SETX: variants seen among roughly 807,000 people sequenced by gnomAD.
The protein encoded by SETX is senataxin.
In SETX, 90 loss-of-function variants were observed where a neutral mutation model predicts 227.2. That is an observed-to-expected ratio of 0.40 (90% CI 0.33 to 0.47). SETX has a LOEUF of 0.47. SETX is among the 20% of genes least tolerant of loss of function. The pLI is 0.91. For synonymous variants in SETX, 1,210 were observed against 1,113.2 expected (o/e 1.09, Z -1.73); for missense variants, 3,052 against 3,181.5 (o/e 0.96, Z 0.98).
chr9:132,354,614 A>G (rs1396495303), intron 1 of SETX, among the ~76,000 whole-genome samples: 1 of 151,924 alleles, frequency 6.6e-6, no homozygotes, highest in Non-Finnish European at 1.5e-5. Context: ...CTCAGCCCCA[A>G]GGAAACTACG....
In SETX at chr9:132,298,288, T is replaced by G. The variant is rs747493129; in HGVS notation, c.5573A>C (p.Tyr1858Ser). Residue 1858 changes from tyrosine (Y) to serine (S), a missense_variant, in exon 13 of 26, where the codon TAC (tyrosine) becomes TCC (serine). Physicochemically the swap from Tyr to Ser is moderately radical, Grantham distance 144. Transcript: ENST00000224140. ...SVMRNGKTEC[Y>S]LSIQTQENFP... ...GTTCTCTTGAGTCTGGATGGAAAGG[T>G]AACACTCAGTTTTCCCATTACGCAC... The G allele has an allele frequency of 1.2e-6, 2 of 1,614,116 alleles. No individual in the cohort carries two copies. Among genetic ancestry groups the G allele is most frequent in the East Asian group, 4.5e-5 (2 of 44,878 alleles).
At chr9:132,269,463 T>C (rs774944941) in intron 25 of SETX, 152 bp downstream of exon 25, 1 of 1,592,230 alleles carries the variant, frequency 6.3e-7, no homozygotes, top group Non-Finnish European at 8.6e-7. Flanking sequence ...GGTTCACGTG[T>C]ACACAAAAGC....
At position 132,264,841 on chromosome 9, in the gene SETX, T is replaced by C. The variant is rs142303658; in HGVS notation, c.7432A>G (p.Thr2478Ala). ...GGTCTGGACCCCTCTGGGGCTATGG[T>C]AGGAGGGTGAGTGAGACTTCTCTGC... ...VLQRSLTHPP[T>A]IAPEGSRPQG... The change falls in exon 26 of 26, where the codon ACC (threonine) becomes GCC (alanine). Residue 2478 changes from threonine (T) to alanine (A), a missense_variant. Coordinates refer to ENST00000224140, the MANE Select transcript of SETX (RefSeq NM_015046.7). The C allele has an allele frequency of 1.9e-4, 312 of 1,614,110 alleles. 1 individual carries two copies. The highest frequency in any genetic ancestry group is 6.7e-4 in the African/African-American group (50 of 75,018).
At chr9:132,320,291 C>T (rs913390617) in intron 10 of SETX, among the ~76,000 whole-genome samples, 1 of 152,034 alleles carries the variant, frequency 6.6e-6, no homozygotes, top group Non-Finnish European at 1.5e-5. Flanking sequence ...AAAAAAAAGT[C>T]TAGGCCGGGC....
At chr9:132,333,179 G>C (rs1362323621) in intron 7 of SETX, among the ~76,000 whole-genome samples, 1 of 151,038 alleles carries the variant, frequency 6.6e-6, no homozygotes, top group Non-Finnish European at 1.5e-5. Flanking sequence ...AGGAGTTCAA[G>C]ACCAGCCTGG....
At position 132,327,255 on chromosome 9, in the gene SETX, T is replaced by C; in HGVS notation, c.4343A>G (p.Asn1448Ser). Residue 1448 changes from asparagine to serine, a missense_variant, in exon 10 of 26, where the codon AAT (asparagine) becomes AGT (serine). By Grantham distance (46) the Asn-to-Ser change is conservative (BLOSUM62 1). Coordinates refer to ENST00000224140, the MANE Select transcript of SETX (RefSeq NM_015046.7). The stretch of plus-strand genomic sequence containing the variant: ...TACTTCATTTGTTGGTACTGTTCCA[T>C]TTAACACTACAGAATCACACTGGTT... ...PLNQCDSVVL[N>S]GTVPTNEVIV... 1 of 1,614,230 alleles carries C rather than the reference T, an allele frequency of 6.2e-7. No homozygotes were observed. The highest frequency in any genetic ancestry group is 8.5e-7 in the Non-Finnish European group (1 of 1,180,036).
At chr9:132,281,643 T>C (rs1843520338) in intron 19 of SETX, 69 bp from the exon 20 acceptor site, 7 of 1,110,264 alleles carry the variant, frequency 6.3e-6, no homozygotes, top group Admixed American at 1.7e-5. Context: ...GTTTATCTGA[T>C]TAAAGTTCTA....
chr9:132,286,321 A>T, intron 18 of SETX, 102 bp downstream of exon 18: 4 of 883,920 alleles, frequency 4.5e-6, no homozygotes, highest in Non-Finnish European at 7.1e-6. Context: ...CTCTGTCTCC[A>T]AAATAAATAA....
At position 132,333,442 on chromosome 9, in the gene SETX, C is replaced by T. The variant is rs961088822; in HGVS notation, c.838+1166G>A. On this transcript the variant is annotated intron_variant, in intron 7 of 25. Coordinates refer to ENST00000224140, the MANE Select transcript of SETX (RefSeq NM_015046.7). ...ACACACACACACACACACACACACA[C>T]ACACACACACACACACGCCCTATCA... Among the ~76,000 whole-genome samples, 4 of 141,200 alleles carry T rather than the reference C, an allele frequency of 2.8e-5. 1 individual carries two copies. The highest frequency in any genetic ancestry group is 1.1e-4 in the African/African-American group (4 of 37,650). 92.6% of individuals were successfully genotyped at this position (141,200 alleles called of 152,430 possible).
chr9:132,279,797 A>G (rs574278725), intron 20 of SETX, among the ~76,000 whole-genome samples: 2 of 152,356 alleles, frequency 1.3e-5, no homozygotes, highest in African/African-American at 4.8e-5. Context: ...ACCTTAGTCC[A>G]TTCTACAAAT....
At chr9:132,336,901 T>C (rs1175751668) in intron 5 of SETX, among the ~76,000 whole-genome samples, 1 of 151,974 alleles carries the variant, frequency 6.6e-6, no homozygotes, top group African/African-American at 2.4e-5. Context: ...TTGTCTCTAC[T>C]AAAAATACAA....
chr9:132,355,142 C>A (rs1305361125), upstream of SETX, among the ~76,000 whole-genome samples: 7 of 152,242 alleles, frequency 4.6e-5, no homozygotes, highest in East Asian at 1.4e-3. Context: ...CGCGGTGCAC[C>A]GCCCACGCCG....
intron 20 of SETX, among the ~76,000 whole-genome samples, chr9:132,278,888 C>T (rs2131186818): frequency 6.6e-6 from 1 of 152,262 alleles, no homozygotes. Context: ...TACTAAGCAT[C>T]TATAATTTGA....
chr9:132,314,906 G>GTTTTTTTT (rs559979271), intron 10 of SETX, among the ~76,000 whole-genome samples: 7 of 88,476 alleles, frequency 7.9e-5, no homozygotes, highest in African/African-American at 9.1e-5. Flanking sequence ...ATTTTATTGT[G>GTTTTTTTT]TTTTTTTTTT....
chr9:132,283,539 AAGTT>A (rs1843662038), intron 18 of SETX, 126 bp from the exon 19 acceptor site: 7 of 1,174,052 alleles, frequency 6.0e-6, no homozygotes, highest in Admixed American at 3.8e-5. Context: ...TATTTAGTAA[AAGTT>A]AGGGGAAACC....
rs185744690 is a variant in SETX at position 132,332,635 on chromosome 9, A to T, written c.839-1187T>A. Among the ~76,000 whole-genome samples, 486 of 152,364 alleles carry T rather than the reference A, an allele frequency of 3.2e-3. 3 individuals carry two copies. Among genetic ancestry groups the T allele is most frequent in the African/African-American group, 0.011 (462 of 41,586 alleles). On this transcript the variant is annotated intron_variant, in intron 7 of 25. Coordinates refer to ENST00000224140, the MANE Select transcript of SETX (RefSeq NM_015046.7). ...CAAAGAGGTAATTAAAATTTTGAAG[A>T]CAAGGCTGGGTTCAGTGGCTCACAC...
chr9:132,265,094 A>G, intron 25 of SETX, 109 bp from the exon 26 acceptor site: 1 of 1,291,278 alleles, frequency 7.7e-7, no homozygotes. Context: ...TATTGTATGA[A>G]CATATTCTCA....
At chr9:132,278,726 C>T (rs976232636) in intron 20 of SETX, among the ~76,000 whole-genome samples, 3 of 152,114 alleles carry the variant, frequency 2.0e-5, no homozygotes, top group Non-Finnish European at 4.4e-5. Context: ...TTTGATGCTA[C>T]AAGACGCCAC....
chr9:132,311,128 G>A (rs967859579), intron 11 of SETX, among the ~76,000 whole-genome samples: 15 of 152,058 alleles, frequency 9.9e-5, no homozygotes, highest in African/African-American at 3.6e-4. Flanking sequence ...CACCATGCCT[G>A]GCTAATGTTT....
Sources: allele counts gnomAD v4.1 joint callset (sites outside exome capture counted in the v4.1 genomes callset), GRCh38; gene constraint gnomAD v4.1.1; transcripts MANE v1.5; gene names NCBI Gene and HGNC (gene_info 2026-07-23, HGNC 2026-07-21).